Variants in RARB observed in about 807,000 individuals in gnomAD.
RARB encodes the protein HBV-activated protein.
A neutral mutation model predicts 51.9 loss-of-function variants in RARB; 17 were observed. The observed-to-expected ratio is 0.33, with a 90% CI of 0.22 to 0.49. The LOEUF is 0.49. RARB is among the 20% of genes least tolerant of loss of function. The pLI is 0.99. For missense variants in RARB, 369 were observed against 550.8 expected, an observed-to-expected ratio of 0.67 and a Z score of 3.30; for synonymous variants, 215 against 195.4, an observed-to-expected ratio of 1.10 and a Z score of -0.84.
At chr3:24,887,031 C>T (rs1274915721) in intron 2 of RARB, among the ~76,000 whole-genome samples, 3 of 152,202 alleles carry the variant, frequency 2.0e-5, no homozygotes, top group Admixed American at 1.3e-4. Flanking sequence ...TTACATTTCT[C>T]ATTTCTGCTT....
At chr3:25,477,730 C>G (rs565805786) in intron 2 of RARB, among the ~76,000 whole-genome samples, 31 of 152,226 alleles carry the variant, frequency 2.0e-4, no homozygotes, top group Middle Eastern at 6.8e-3. Context: ...CTTAAATCAC[C>G]CAAGACGTGT....
chr3:25,511,235 C>G (rs1286438266), intron 3 of RARB, among the ~76,000 whole-genome samples: 2 of 152,070 alleles, frequency 1.3e-5, no homozygotes, highest in Non-Finnish European at 2.9e-5. Flanking sequence ...TGGGTTCACG[C>G]CATTCTCCTG....
At chr3:24,865,806 G>A (rs565621787) in intron 2 of RARB, among the ~76,000 whole-genome samples, 2 of 152,300 alleles carry the variant, frequency 1.3e-5, no homozygotes, top group South Asian at 2.1e-4. Flanking sequence ...ATGAATGGGT[G>A]TTGATTTGCT....
chr3:25,033,556 A>G (rs1304212002), intron 2 of RARB, among the ~76,000 whole-genome samples: 1 of 152,180 alleles, frequency 6.6e-6, no homozygotes, highest in Non-Finnish European at 1.5e-5. Context: ...TCCACTGCCA[A>G]GCATCTGCCA....
chr3:25,183,025 ACCT>A (rs1177567649), intron 5 of RARB, among the ~76,000 whole-genome samples: 4 of 152,112 alleles, frequency 2.6e-5, no homozygotes, highest in Non-Finnish European at 4.4e-5. Flanking sequence ...CCCTGCCAGC[ACCT>A]TGGTTTTGGA....
intron 5 of RARB, among the ~76,000 whole-genome samples, chr3:25,180,462 G>T (rs1700839335): frequency 6.6e-6 from 1 of 152,144 alleles, no homozygotes; most frequent in Non-Finnish European, 1.5e-5. Flanking sequence ...CTAAAGTTCT[G>T]CCTCAATGAA....
At chr3:25,298,044 C>A (rs1316923485) in intron 5 of RARB, among the ~76,000 whole-genome samples, 1 of 152,108 alleles carries the variant, frequency 6.6e-6, no homozygotes, top group Non-Finnish European at 1.5e-5. Context: ...TAATATAGGA[C>A]AAAAGACAGC....
At chr3:25,135,867 T>A in intron 4 of RARB, among the ~76,000 whole-genome samples, 1 of 151,930 alleles carries the variant, frequency 6.6e-6, no homozygotes, top group Non-Finnish European at 1.5e-5. Context: ...TGTCACAACA[T>A]CATGAACAGT....
intron 2 of RARB, among the ~76,000 whole-genome samples, chr3:25,487,587 A>G (rs2125588686): frequency 6.6e-6 from 1 of 152,174 alleles, no homozygotes; most frequent in African/African-American, 2.4e-5. Flanking sequence ...TCAGATCAGT[A>G]TATTTTTGGA....
At chr3:25,439,788 T>A (rs1254695713) in intron 1 of RARB, among the ~76,000 whole-genome samples, 2 of 152,216 alleles carry the variant, frequency 1.3e-5, no homozygotes, top group African/African-American at 2.4e-5. Flanking sequence ...TAATTGTTGC[T>A]GAATTATATA....
At chr3:25,340,022 A>G (rs1205103499) in intron 5 of RARB, among the ~76,000 whole-genome samples, 1 of 152,162 alleles carries the variant, frequency 6.6e-6, no homozygotes, top group Admixed American at 6.6e-5. Context: ...CCTGCCATGG[A>G]CATATGAAAA....
At chr3:25,095,179 A>G (rs1699272372) in intron 3 of RARB, among the ~76,000 whole-genome samples, 1 of 152,196 alleles carries the variant, frequency 6.6e-6, no homozygotes, top group Admixed American at 6.5e-5. Context: ...GATGCCTGGC[A>G]TCTACTTCTG....
At chr3:25,462,794 T>C (rs1377327984) in intron 2 of RARB, among the ~76,000 whole-genome samples, 1 of 152,106 alleles carries the variant, frequency 6.6e-6, no homozygotes, top group Non-Finnish European at 1.5e-5. Context: ...GAGACTCAGC[T>C]CTCCTCCATG....
At chr3:25,085,834 C>A (rs1699094735) in intron 3 of RARB, among the ~76,000 whole-genome samples, 1 of 152,098 alleles carries the variant, frequency 6.6e-6, no homozygotes, top group African/African-American at 2.4e-5. Flanking sequence ...GCTGAAATTC[C>A]TTTGCACTAT....
intron 3 of RARB, among the ~76,000 whole-genome samples, chr3:25,508,045 T>C (rs1697697066): frequency 6.6e-6 from 1 of 152,246 alleles, no homozygotes; most frequent in Admixed American, 6.5e-5. Flanking sequence ...TATGTGCCCA[T>C]GCCCTTGAGT....
intron 2 of RARB, among the ~76,000 whole-genome samples, chr3:25,474,029 T>G (rs1460354971): frequency 1.3e-5 from 2 of 151,062 alleles, no homozygotes; most frequent in East Asian, 1.9e-4. Context: ...AACTCTGAGG[T>G]AGGTCAGCGA....
At chr3:25,288,301 C>T (rs322681) in intron 5 of RARB, among the ~76,000 whole-genome samples, 2 of 151,906 alleles carry the variant, frequency 1.3e-5, no homozygotes, top group Non-Finnish European at 2.9e-5. Context: ...CAAAAGAAAT[C>T]ATCTAGTGAA....
chr3:24,878,448 T>C (rs1437668923), intron 2 of RARB, among the ~76,000 whole-genome samples: 1 of 152,080 alleles, frequency 6.6e-6, no homozygotes, highest in African/African-American at 2.4e-5. Flanking sequence ...TGACTGCTTA[T>C]GATTTGGAGT....
At chr3:25,456,682 TAG>T (rs201238732) in intron 1 of RARB, among the ~76,000 whole-genome samples, 2,206 of 88,118 alleles carry the variant, frequency 0.025, 23 homozygotes, top group African/African-American at 0.033. Context: ...TATATATATA[TAG>T]AGAGAGAGAG....
Sources: gnomAD v4.1 joint callset for allele counts (sites outside exome capture counted in the v4.1 genomes callset) on GRCh38, gnomAD v4.1.1 for gene constraint, MANE v1.5 for transcripts, NCBI Gene and HGNC (gene_info 2026-07-23, HGNC 2026-07-21) for gene names.